LRRTM4: variants seen among roughly 807,000 people sequenced by gnomAD.
The protein encoded by LRRTM4 is leucine-rich repeat transmembrane neuronal protein 4.
LRRTM4 carries 25 observed loss-of-function variants against 47.6 expected under a neutral mutation model. The ratio of observed to expected loss-of-function variants is 0.53; its 90% CI spans 0.38 to 0.73. The LOEUF is 0.73. LRRTM4 is among the 30% of genes least tolerant of loss of function. The pLI, the probability that LRRTM4 is intolerant of heterozygous loss-of-function variation, is 0.00. For missense variants in LRRTM4, 638 were observed against 713.4 expected, an observed-to-expected ratio of 0.89 and a Z score of 1.20; for synonymous variants, 311 against 269.5, an observed-to-expected ratio of 1.15 and a Z score of -1.51.
chr2:76,809,892 G>A (rs904487633), intron 3 of LRRTM4, among the ~76,000 whole-genome samples: 2 of 152,212 alleles, frequency 1.3e-5, no homozygotes, highest in East Asian at 3.9e-4. Context: ...TCCCAAGATA[G>A]CTTCATGGTA....
intron 3 of LRRTM4, among the ~76,000 whole-genome samples, chr2:77,309,275 T>C (rs1558681284): frequency 6.6e-6 from 1 of 152,012 alleles, no homozygotes; most frequent in Non-Finnish European, 1.5e-5. Flanking sequence ...GAGTGACAAA[T>C]GTTTGGCTCT....
chr2:77,014,759 T>A (rs1037523076), intron 3 of LRRTM4, among the ~76,000 whole-genome samples: 3 of 151,708 alleles, frequency 2.0e-5, no homozygotes, highest in Non-Finnish European at 4.4e-5. Context: ...TTGCAGTGAG[T>A]GGAGATTGTG....
At chr2:77,060,649 C>T (rs1679756698) in intron 3 of LRRTM4, among the ~76,000 whole-genome samples, 1 of 152,048 alleles carries the variant, frequency 6.6e-6, no homozygotes, top group African/African-American at 2.4e-5. Context: ...ATATGGTATA[C>T]ACAGTATTGT....
intron 3 of LRRTM4, among the ~76,000 whole-genome samples, chr2:77,241,092 G>A (rs1180892793): frequency 6.6e-6 from 1 of 151,756 alleles, no homozygotes; most frequent in African/African-American, 2.4e-5. Flanking sequence ...AACTAGAAAA[G>A]ACAACACAAT....
At chr2:77,283,494 G>A (rs550853942) in intron 3 of LRRTM4, among the ~76,000 whole-genome samples, 6 of 151,850 alleles carry the variant, frequency 4.0e-5, no homozygotes, top group Non-Finnish European at 7.4e-5. Flanking sequence ...GAAAACAAAT[G>A]TTCCTACCAA....
chr2:76,906,029 C>G (rs1446400103), intron 3 of LRRTM4, among the ~76,000 whole-genome samples: 6 of 152,070 alleles, frequency 3.9e-5, no homozygotes, highest in African/African-American at 1.4e-4. Flanking sequence ...AGAGCAACTC[C>G]AAGGCACATA....
chr2:77,324,299 C>T (rs1174586402), intron 3 of LRRTM4, among the ~76,000 whole-genome samples: 2 of 151,978 alleles, frequency 1.3e-5, no homozygotes, highest in African/African-American at 4.8e-5. Flanking sequence ...AGGTTTTTAC[C>T]TTCTTGGGAC....
intron 3 of LRRTM4, among the ~76,000 whole-genome samples, chr2:76,829,720 A>T (rs985380499): frequency 2.6e-5 from 4 of 151,854 alleles, no homozygotes; most frequent in Admixed American, 2.6e-4. Flanking sequence ...TGGGATGTTG[A>T]TATTATTTAT....
At chr2:77,381,138 T>C (rs1673035420) in intron 3 of LRRTM4, among the ~76,000 whole-genome samples, 1 of 152,084 alleles carries the variant, frequency 6.6e-6, no homozygotes, top group African/African-American at 2.4e-5. Flanking sequence ...ACCTATTCTT[T>C]TCTGTAAATT....
intron 3 of LRRTM4, among the ~76,000 whole-genome samples, chr2:76,846,934 T>C (rs1171854241): frequency 2.0e-5 from 3 of 152,174 alleles, no homozygotes; most frequent in East Asian, 1.9e-4. Flanking sequence ...TAGTTTGTAA[T>C]AGAGCTGAGA....
At chr2:77,325,742 GA>G (rs918593324) in intron 3 of LRRTM4, among the ~76,000 whole-genome samples, 1 of 152,026 alleles carries the variant, frequency 6.6e-6, no homozygotes, top group African/African-American at 2.4e-5. Flanking sequence ...CTATGTATCG[GA>G]AAAAAGATGT....
At chr2:76,865,646 A>G (rs941127736) in intron 3 of LRRTM4, among the ~76,000 whole-genome samples, 1 of 151,512 alleles carries the variant, frequency 6.6e-6, no homozygotes, top group East Asian at 1.9e-4. Context: ...CTAAGATATA[A>G]TGATATTTTA....
At chr2:76,940,423 G>A (rs1481251467) in intron 3 of LRRTM4, among the ~76,000 whole-genome samples, 1 of 152,136 alleles carries the variant, frequency 6.6e-6, no homozygotes, top group Non-Finnish European at 1.5e-5. Context: ...ACTTATAAGT[G>A]GGTGCTAAAT....
intron 3 of LRRTM4, among the ~76,000 whole-genome samples, chr2:76,769,701 T>C (rs1267523266): frequency 6.6e-6 from 1 of 152,094 alleles, no homozygotes; most frequent in African/African-American, 2.4e-5. Flanking sequence ...GTATCGGCAT[T>C]TTAACAGGAC....
intron 3 of LRRTM4, among the ~76,000 whole-genome samples, chr2:77,405,558 A>G (rs1674151883): frequency 6.6e-6 from 1 of 152,040 alleles, no homozygotes; most frequent in Admixed American, 6.6e-5. Flanking sequence ...TGCCTCTCAC[A>G]CTTTACCTAG....
chr2:77,064,762 T>C (rs554527303), intron 3 of LRRTM4, among the ~76,000 whole-genome samples: 2 of 152,322 alleles, frequency 1.3e-5, no homozygotes, highest in South Asian at 4.1e-4. Flanking sequence ...TCCACCTCTT[T>C]TGGGGAAAAT....
intron 3 of LRRTM4, among the ~76,000 whole-genome samples, chr2:76,874,972 G>C (rs896427033): frequency 1.3e-4 from 20 of 151,904 alleles, no homozygotes; most frequent in Admixed American, 4.6e-4. Context: ...ATACGTATTT[G>C]CATTTCTGGT....
intron 3 of LRRTM4, among the ~76,000 whole-genome samples, chr2:77,249,980 T>C (rs145173096): frequency 2.4e-4 from 36 of 152,310 alleles, no homozygotes; most frequent in African/African-American, 8.4e-4. Flanking sequence ...TGGTATATAA[T>C]TCAGTGCTGA....
intron 3 of LRRTM4, among the ~76,000 whole-genome samples, chr2:77,442,897 T>C (rs1312656686): frequency 6.6e-6 from 1 of 152,290 alleles, no homozygotes; most frequent in East Asian, 1.9e-4. Flanking sequence ...TATGGAAGAT[T>C]AGTCTAAGCA....
Sources: gnomAD v4.1 joint callset for allele counts (sites outside exome capture counted in the v4.1 genomes callset) on GRCh38, gnomAD v4.1.1 for gene constraint, MANE v1.5 for transcripts, NCBI Gene and HGNC (gene_info 2026-07-23, HGNC 2026-07-21) for gene names.